The following TTC12 variants were observed in gnomAD, a reference collection of about 807,000 sequenced individuals.
The protein encoded by TTC12 is tetratricopeptide repeat domain 12, also known as tetratricopeptide repeat protein 12.
A neutral mutation model predicts 90.1 loss-of-function variants in TTC12; 70 were observed. The observed-to-expected ratio is 0.78, with a 90% confidence interval of 0.64 to 0.95. TTC12 has a LOEUF of 0.95. Among genes scored for constraint, TTC12 ranks in the 40% least tolerant of loss-of-function variants. TTC12 has a pLI of 0.00. For synonymous variants in TTC12, 296 were observed against 311.5 expected, an observed-to-expected ratio of 0.95 and a Z score of 0.53; for missense variants, 819 against 846.1, an observed-to-expected ratio of 0.97 and a Z score of 0.40.
chr11:113,315,630 CA>C (rs1264501043), intron 1 of TTC12, among the ~76,000 whole-genome samples: 3 of 152,086 alleles, frequency 2.0e-5, no homozygotes, highest in Admixed American at 6.5e-5. Flanking sequence ...CTGGGTACAC[CA>C]CGGGGCCTTC....
chr11:113,363,369 G>T (rs1173039991), intron 19 of TTC12, among the ~76,000 whole-genome samples: 1 of 152,244 alleles, frequency 6.6e-6, no homozygotes, highest in Admixed American at 6.5e-5. Flanking sequence ...TGATTGCAAG[G>T]GCTGTGTTTG....
Position 113,365,134 on chromosome 11 carries a change from G to A in TTC12, c.2042+74G>A. The stretch of plus-strand genomic sequence containing the variant: ...TGAGCTGAGGTGCTGAGTTTTGGCT[G>A]GGACTGCATGCCACACAGAACAGTG... On this transcript the variant is annotated intron_variant, in intron 21 of 21. Transcript: ENST00000529221. 2.2e-6 allele frequency: 3 copies of A among 1,358,084 alleles called. No individual in the cohort carries two copies. The South Asian group carries it at 3.6e-5, about 16-fold the overall frequency. 84.1% of individuals were successfully genotyped at this position (1,358,084 alleles called of 1,614,324 possible).
At chr11:113,333,893 C>T (rs767970985) in intron 7 of TTC12, among the ~76,000 whole-genome samples, 3 of 151,912 alleles carry the variant, frequency 2.0e-5, no homozygotes, top group Non-Finnish European at 4.4e-5. Flanking sequence ...TCTTTTGCTC[C>T]GAAATGAATT....
At chr11:113,354,654 A>C (rs772161594) in intron 16 of TTC12, among the ~76,000 whole-genome samples, 1 of 152,146 alleles carries the variant, frequency 6.6e-6, no homozygotes, top group Non-Finnish European at 1.5e-5. Flanking sequence ...TAGTTTATTG[A>C]GAGTTTTTAA....
intron 12 of TTC12, among the ~76,000 whole-genome samples, chr11:113,342,882 G>A (rs1187629393): frequency 3.9e-5 from 6 of 152,174 alleles, no homozygotes; most frequent in Admixed American, 1.3e-4. Context: ...AGGAGGGCGA[G>A]GAAGGCAGGA....
In TTC12 at chr11:113,359,964, A is replaced by G. The variant is rs371698073; in HGVS notation, c.1570A>G (p.Arg524Gly). The G allele has an allele frequency of 3.8e-6, 6 of 1,599,592 alleles. No individual in the cohort carries two copies. The highest frequency in any genetic ancestry group is 5.1e-6 in the Non-Finnish European group (6 of 1,173,514). Residue 524 changes from arginine to glycine, a missense_variant, in exon 18 of 22, where the codon AGG becomes GGG. By Grantham distance (125) the Arg-to-Gly change is moderately radical. Coordinates refer to ENST00000529221, the MANE Select transcript of TTC12 (RefSeq NM_017868.4). ...GGTTTGGGCTGTGGAGGTGAGCAGA[A>G]GGTGCCTGTCTTTACTAAACAGCCA... ...SEVWAVEVSR[R>G]CLSLLNSQDG...
At chr11:113,325,719 G>A (rs947218386) in intron 6 of TTC12, 74 bp downstream of exon 6, 1 of 1,577,366 alleles carries the variant, frequency 6.3e-7, no homozygotes. Flanking sequence ...AAACAAAGAT[G>A]AGGCTAGATG....
rs948178 is a variant in TTC12, at chr11:113,324,873, A to G, written c.322+191A>G. ...TCTCTGTTCCTGCTGCAACAAGCAG[A>G]GGGTAGGATACACCTACCTCCAGTG... On this transcript the variant is annotated intron_variant, in intron 5 of 21. Coordinates refer to ENST00000529221, the MANE Select transcript of TTC12 (RefSeq NM_017868.4). 0.62 allele frequency among the ~76,000 whole-genome samples: 94,606 copies of G among 151,972 alleles called. 29,678 individuals carry two copies. Among genetic ancestry groups the G allele is most frequent in the Non-Finnish European group, 0.64 (43,728 of 67,964 alleles).
chr11:113,368,295 C>T, downstream of TTC12: 1 of 1,539,244 alleles, frequency 6.5e-7, no homozygotes, highest in Non-Finnish European at 8.7e-7. Context: ...TATTCTCCCT[C>T]TCCAGTGTGG....
chr11:113,338,698 C>A, intron 8 of TTC12, 76 bp from the exon 9 acceptor site: 2 of 1,140,712 alleles, frequency 1.8e-6, no homozygotes, highest in Non-Finnish European at 2.6e-6. Context: ...AGCAGCCAAG[C>A]CCAATGACAC....
downstream of TTC12, chr11:113,368,624 G>A (rs1304433909): frequency 1.1e-6 from 1 of 922,164 alleles, no homozygotes; most frequent in Non-Finnish European, 1.7e-6. Flanking sequence ...ATGACGTGAG[G>A]ACGGTGGTTC....
intron 16 of TTC12, among the ~76,000 whole-genome samples, chr11:113,356,459 T>A (rs1194565440): frequency 6.6e-6 from 1 of 152,226 alleles, no homozygotes; most frequent in Non-Finnish European, 1.5e-5. Flanking sequence ...TTAGTATTGC[T>A]ATGTGTGGAT....
At chr11:113,357,481 T>C (rs1949691954) in intron 16 of TTC12, among the ~76,000 whole-genome samples, 1 of 152,194 alleles carries the variant, frequency 6.6e-6, no homozygotes, top group South Asian at 2.1e-4. Flanking sequence ...GGTGTTATGG[T>C]TGTTTGGAGG....
intron 13 of TTC12, 86 bp from the exon 14 acceptor site, chr11:113,349,986 CT>C: frequency 2.7e-6 from 3 of 1,102,636 alleles, no homozygotes; most frequent in Non-Finnish European, 4.2e-6. Context: ...ATGCTGACTC[CT>C]TTTTTGGTTT....
chr11:113,325,234 G>A (rs1404432768), intron 5 of TTC12, among the ~76,000 whole-genome samples: 6 of 152,024 alleles, frequency 3.9e-5, no homozygotes, highest in African/African-American at 1.2e-4. Flanking sequence ...ATGAGACACC[G>A]AATGCACAGA....
intron 7 of TTC12, among the ~76,000 whole-genome samples, chr11:113,331,276 C>CA (rs1948047208): frequency 6.6e-6 from 1 of 152,146 alleles, no homozygotes; most frequent in Admixed American, 6.5e-5. Flanking sequence ...CCTGCTTTGT[C>CA]GCCTTGCTTG....
At position 113,324,532 on chromosome 11, in the gene TTC12, C is replaced by T. The variant is rs1411646098; in HGVS notation, c.245-73C>T. On this transcript the variant is annotated intron_variant, in intron 4 of 21. Coordinates refer to ENST00000529221, the MANE Select transcript of TTC12 (RefSeq NM_017868.4). ...TACGTGTGGCTCTAAAGTAACACTT[C>T]GAATTTGAGCTAAAGAACTGATTAT... The T allele has an allele frequency of 3.1e-5, 40 of 1,310,958 alleles. No homozygotes were observed. In the Admixed American group the frequency reaches 5.2e-4, roughly 17 times the overall value. 81.2% of individuals were successfully genotyped at this position (1,310,958 alleles called of 1,614,324 possible). A position where few individuals can be genotyped will look rare whatever the true frequency, so the allele number is the denominator to read the frequency against.
intron 11 of TTC12, among the ~76,000 whole-genome samples, chr11:113,341,137 C>T (rs1056031910): frequency 5.9e-5 from 9 of 152,058 alleles, no homozygotes; most frequent in Non-Finnish European, 5.9e-5. Context: ...GGCTGAGGCA[C>T]GAGAATCGCT....
intron 16 of TTC12, among the ~76,000 whole-genome samples, chr11:113,352,844 A>C (rs1190311808): frequency 2.6e-5 from 4 of 152,178 alleles, no homozygotes; most frequent in African/African-American, 4.8e-5. Context: ...TTCTTTATCC[A>C]GTCTATCATT....
Sources: allele counts gnomAD v4.1 joint callset (sites outside exome capture counted in the v4.1 genomes callset), GRCh38; gene constraint gnomAD v4.1.1; transcripts MANE v1.5; gene names NCBI Gene and HGNC (gene_info 2026-07-23, HGNC 2026-07-21).